SHQ1: variants seen among roughly 807,000 people sequenced by gnomAD.
SHQ1 encodes the protein protein SHQ1 homolog.
Under a neutral mutation model 53.8 loss-of-function variants are expected in SHQ1, and 49 were observed. That is an observed-to-expected ratio of 0.91 (90% CI 0.72 to 1.16). The LOEUF (loss-of-function observed/expected upper bound fraction) is 1.16. Ranked by LOEUF, SHQ1 falls within the 50% of genes most tolerant of loss-of-function variation. SHQ1 has a pLI of 0.00. For missense variants in SHQ1, 738 were observed against 683.1 expected, an observed-to-expected ratio of 1.08 and a Z score of -0.90; for synonymous variants, 243 against 251.0, an observed-to-expected ratio of 0.97 and a Z score of 0.30.
At chr3:72,770,060 G>A (rs1705812921) in intron 10 of SHQ1, among the ~76,000 whole-genome samples, 1 of 152,214 alleles carries the variant, frequency 6.6e-6, no homozygotes, top group Admixed American at 6.5e-5. Flanking sequence ...GTAAGCCCTT[G>A]ATAAATGCTA....
intron 5 of SHQ1, among the ~76,000 whole-genome samples, chr3:72,831,600 T>C (rs1275107084): frequency 1.3e-5 from 2 of 152,180 alleles, no homozygotes; most frequent in Non-Finnish European, 2.9e-5. Flanking sequence ...CCAGAATTAA[T>C]AATTAAGGTC....
chr3:72,770,802 T>C (rs1246937759), intron 10 of SHQ1, among the ~76,000 whole-genome samples: 2 of 152,192 alleles, frequency 1.3e-5, no homozygotes, highest in Admixed American at 6.5e-5. Flanking sequence ...GATGAAACCA[T>C]AGACCATGAA....
intron 1 of SHQ1, chr3:72,846,110 A>G (rs1708321313): frequency 7.1e-6 from 8 of 1,124,546 alleles, no homozygotes; most frequent in Non-Finnish European, 1.0e-5. Flanking sequence ...CCGGCACAAC[A>G]GGTGAGCATT....
chr3:72,824,286 C>T, intron 6 of SHQ1, 138 bp downstream of exon 6: 1 of 1,034,978 alleles, frequency 9.7e-7, no homozygotes, highest in Non-Finnish European at 1.3e-6. Flanking sequence ...GAAGTCATTT[C>T]CAAAATTAGC....
chr3:72,761,067 G>A (rs576648145), intron 10 of SHQ1, among the ~76,000 whole-genome samples: 40 of 152,294 alleles, frequency 2.6e-4, no homozygotes, highest in Admixed American at 1.2e-3. Flanking sequence ...TAGTGCTTTA[G>A]TAGAGAATAC....
downstream of SHQ1, among the ~76,000 whole-genome samples, chr3:72,745,158 T>A (rs1054472610): frequency 4.2e-4 from 63 of 150,248 alleles, no homozygotes; most frequent in African/African-American, 8.3e-4. Context: ...TTTTTTTTTT[T>A]AAATAATTTT....
At chr3:72,830,324 G>A (rs1707787947) in intron 5 of SHQ1, among the ~76,000 whole-genome samples, 1 of 151,876 alleles carries the variant, frequency 6.6e-6, no homozygotes, top group Non-Finnish European at 1.5e-5. Context: ...ACTATGACTT[G>A]TAAAGACAAG....
rs1486066559 is a variant in SHQ1, at chr3:72,750,808, C to T, written c.1210G>A (p.Ala404Thr). The part of the protein sequence containing the change: ...KSKKLAALAE[A>T]LKEVSLTKAQ... Reference sequence around the variant, plus strand: ...TTTGTAAGGGAGACTTCCTTTAAGGCTTCTGCAAGAGCTGCCAACTTTTTG... The same window carrying T: ...TTTGTAAGGGAGACTTCCTTTAAGGTTTCTGCAAGAGCTGCCAACTTTTTG... Residue 404 changes from alanine (A) to threonine (T), a missense_variant, in exon 11 of 11, where the codon GCC (alanine) becomes ACC (threonine). Ala to Thr is a moderately conservative substitution (Grantham distance 58). Transcript: ENST00000325599. 1 of 1,527,730 alleles carries T rather than the reference C, an allele frequency of 6.5e-7. No homozygotes were observed. The allele number at this position is 1,527,730 out of a possible 1,614,324, so 94.6% of individuals were successfully genotyped here.
chr3:72,846,648 T>C (rs1379624322), intron 1 of SHQ1, among the ~76,000 whole-genome samples: 1 of 152,106 alleles, frequency 6.6e-6, no homozygotes, highest in Non-Finnish European at 1.5e-5. Flanking sequence ...TTCCCAACCA[T>C]GAAGGTCTAT....
intron 10 of SHQ1, chr3:72,773,366 G>C: frequency 5.9e-6 from 3 of 511,596 alleles, no homozygotes; most frequent in Non-Finnish European, 1.1e-5. Context: ...GAAAGGAAAA[G>C]ATGACACAGT....
intron 5 of SHQ1, among the ~76,000 whole-genome samples, chr3:72,824,850 G>A (rs777631582): frequency 6.7e-6 from 1 of 150,052 alleles, no homozygotes; most frequent in Non-Finnish European, 1.5e-5. Context: ...TCAGGCTAGA[G>A]TACAGTAGTA....
rs377656675 is a variant in SHQ1, at chr3:72,812,783, G to A, written c.948C>T (p.Asn316=). The change falls in exon 9 of 11, where the codon AAC becomes AAT. Residue 316 remains asparagine (N), a synonymous_variant. Coordinates refer to ENST00000325599, the MANE Select transcript of SHQ1 (RefSeq NM_018130.3). ...CAAAAGACACCATGATATCATGAAC[G>A]TTAGTCCAAGTCTGTGAAGTGTCAT... is the stretch of plus-strand genomic sequence containing the variant. ...PTLCWFETWT[N]VHDIMVSFGR... The A allele has an allele frequency of 4.6e-5, 75 of 1,613,808 alleles. No homozygotes were observed. The Admixed American group carries it at 4.8e-4, about 10-fold the overall frequency.
chr3:72,815,448 A>G, intron 7 of SHQ1, 45 bp from the exon 8 acceptor site: 1 of 1,485,008 alleles, frequency 6.7e-7, no homozygotes, highest in Non-Finnish European at 9.4e-7. Context: ...TTAGAGGTGA[A>G]GTCATTTAAA....
intron 4 of SHQ1, among the ~76,000 whole-genome samples, chr3:72,834,856 T>C (rs1707940707): frequency 6.6e-6 from 1 of 152,154 alleles, no homozygotes; most frequent in African/African-American, 2.4e-5. Context: ...ATCACAGCAC[T>C]AGGTATTAGT....
chr3:72,758,788 C>CA (rs1271816967), intron 10 of SHQ1, among the ~76,000 whole-genome samples: 1 of 152,090 alleles, frequency 6.6e-6, no homozygotes, highest in Non-Finnish European at 1.5e-5. Context: ...AGGCTGGTCT[C>CA]AAACTCCTGA....
chr3:72,826,130 A>G (rs1465423221), intron 5 of SHQ1, among the ~76,000 whole-genome samples: 1 of 152,222 alleles, frequency 6.6e-6, no homozygotes, highest in Non-Finnish European at 1.5e-5. Flanking sequence ...TAACCAACAT[A>G]AATATTCCAT....
the SHQ1 span, among the ~76,000 whole-genome samples, chr3:72,727,830 A>G: frequency 6.6e-6 from 1 of 151,776 alleles, no homozygotes; most frequent in South Asian, 2.1e-4. Context: ...TGACCAGATC[A>G]CCTCCGCTCA....
At chr3:72,746,854 T>A (rs1705267966), downstream of SHQ1, among the ~76,000 whole-genome samples, 1 of 152,204 alleles carries the variant, frequency 6.6e-6, no homozygotes, top group Admixed American at 6.5e-5. Flanking sequence ...GAGTTACAGA[T>A]AATACTTTTT....
intron 1 of SHQ1, chr3:72,846,223 T>C (rs376923016): frequency 1.9e-5 from 29 of 1,535,634 alleles, no homozygotes; most frequent in Non-Finnish European, 2.0e-5. Flanking sequence ...ACATGGGGCC[T>C]CCGCAGCTAC....
Sources: gnomAD v4.1 joint callset for allele counts (sites outside exome capture counted in the v4.1 genomes callset) on GRCh38, gnomAD v4.1.1 for gene constraint, MANE v1.5 for transcripts, NCBI Gene and HGNC (gene_info 2026-07-23, HGNC 2026-07-21) for gene names.